The following CADM2 variants were observed in gnomAD, a reference collection of about 807,000 sequenced individuals.
CADM2 encodes cell adhesion molecule 2, also known as immunoglobulin superfamily member 4D.
In CADM2, 12 loss-of-function variants were observed where a neutral mutation model predicts 49.8. That is an observed-to-expected ratio of 0.24 (90% CI 0.15 to 0.39). The LOEUF is 0.39. CADM2 is among the 10% of genes least tolerant of loss of function. The pLI is 1.00. For synonymous variants in CADM2, 214 were observed against 175.4 expected (o/e 1.22, Z -1.74); for missense variants, 378 against 492.3 (o/e 0.77, Z 2.20).
At chr3:85,991,471 A>G (rs1728762480) in intron 8 of CADM2, among the ~76,000 whole-genome samples, 1 of 152,198 alleles carries the variant, frequency 6.6e-6, no homozygotes. Context: ...AAATAAATAA[A>G]AAACAATTTT....
intron 2 of CADM2, among the ~76,000 whole-genome samples, chr3:85,763,703 T>C (rs2069509150): frequency 6.6e-6 from 1 of 152,178 alleles, no homozygotes; most frequent in Admixed American, 6.6e-5. Context: ...GACAAAATGA[T>C]CCTTTTCTCC....
At chr3:85,835,114 G>C (rs1160983798) in intron 3 of CADM2, among the ~76,000 whole-genome samples, 1 of 151,538 alleles carries the variant, frequency 6.6e-6, no homozygotes, top group African/African-American at 2.4e-5. Flanking sequence ...CCAACTTGCA[G>C]TGAACAATGC....
chr3:85,819,707 T>A (rs58382609), intron 3 of CADM2, among the ~76,000 whole-genome samples: 1 of 151,854 alleles, frequency 6.6e-6, no homozygotes, highest in Non-Finnish European at 1.5e-5. Flanking sequence ...CATTACAGTT[T>A]GATGTTATAT....
chr3:85,626,093 T>C (rs929364566), intron 1 of CADM2, among the ~76,000 whole-genome samples: 2 of 152,012 alleles, frequency 1.3e-5, no homozygotes, highest in African/African-American at 4.8e-5. Context: ...ACTTAGAAAT[T>C]AGTAATTTAC....
At chr3:85,343,731 G>T (rs897262413) in intron 1 of CADM2, among the ~76,000 whole-genome samples, 1 of 152,180 alleles carries the variant, frequency 6.6e-6, no homozygotes, top group Non-Finnish European at 1.5e-5. Flanking sequence ...AGAAGAGGAA[G>T]ATTGCTGAAT....
chr3:85,534,597 A>G (rs981666537), intron 1 of CADM2, among the ~76,000 whole-genome samples: 21 of 152,196 alleles, frequency 1.4e-4, no homozygotes, highest in African/African-American at 4.8e-4. Context: ...AGAGTTGAAT[A>G]CTTGTAACAT....
intron 8 of CADM2, among the ~76,000 whole-genome samples, chr3:85,996,881 T>A (rs1416584056): frequency 3.3e-5 from 5 of 152,154 alleles, no homozygotes; most frequent in Non-Finnish European, 7.3e-5. Flanking sequence ...AGATAAACAA[T>A]CCCTATTTTG....
chr3:85,860,403 A>G (rs929879662), intron 3 of CADM2, among the ~76,000 whole-genome samples: 2 of 152,196 alleles, frequency 1.3e-5, no homozygotes, highest in African/African-American at 4.8e-5. Flanking sequence ...TGGAGGGAAA[A>G]AAAACAAGAA....
intron 3 of CADM2, among the ~76,000 whole-genome samples, chr3:85,850,381 G>C (rs546173283): frequency 3.9e-4 from 57 of 144,648 alleles, no homozygotes; most frequent in Non-Finnish European, 6.9e-4. Flanking sequence ...CTGGAGAGCA[G>C]TGGCGCGATC....
intron 1 of CADM2, among the ~76,000 whole-genome samples, chr3:85,424,549 G>A (rs1476844995): frequency 6.6e-6 from 1 of 152,028 alleles, no homozygotes; most frequent in African/African-American, 2.4e-5. Context: ...CAATTGATGG[G>A]CTCTAACTGG....
chr3:85,791,654 G>C (rs2108033621), intron 2 of CADM2, among the ~76,000 whole-genome samples: 1 of 152,012 alleles, frequency 6.6e-6, no homozygotes, highest in South Asian at 2.1e-4. Context: ...TAGTAGGCTA[G>C]CATTGTACTT....
At chr3:85,477,657 A>C (rs1296988011) in intron 1 of CADM2, among the ~76,000 whole-genome samples, 2 of 151,818 alleles carry the variant, frequency 1.3e-5, no homozygotes, top group African/African-American at 4.8e-5. Context: ...TTAGGTTGAC[A>C]TTTTTCTTTG....
At chr3:85,807,890 A>ATT (rs550925359) in intron 3 of CADM2, among the ~76,000 whole-genome samples, 1 of 151,584 alleles carries the variant, frequency 6.6e-6, no homozygotes, top group African/African-American at 2.4e-5. Flanking sequence ...TCAATAAATG[A>ATT]TTTTTTTTTA....
At chr3:85,949,427 A>G (rs930696581) in intron 7 of CADM2, among the ~76,000 whole-genome samples, 9 of 151,250 alleles carry the variant, frequency 6.0e-5, no homozygotes, top group Admixed American at 2.0e-4. Flanking sequence ...GCAGAAATTT[A>G]GGGGAAAAAA....
At chr3:85,575,329 A>T (rs1211005260) in intron 1 of CADM2, among the ~76,000 whole-genome samples, 1 of 152,190 alleles carries the variant, frequency 6.6e-6, no homozygotes, top group African/African-American at 2.4e-5. Context: ...AGGTGGGTGG[A>T]TCACAAGGTC....
intron 1 of CADM2, among the ~76,000 whole-genome samples, chr3:85,672,865 T>A (rs1043158780): frequency 6.6e-6 from 1 of 152,186 alleles, no homozygotes; most frequent in Non-Finnish European, 1.5e-5. Flanking sequence ...CCATCTAAAT[T>A]GAATCTGATT....
chr3:85,156,326 TCAG>T (rs2040121078), intron 1 of CADM2, among the ~76,000 whole-genome samples: 1 of 151,882 alleles, frequency 6.6e-6, no homozygotes, highest in African/African-American at 2.4e-5. Flanking sequence ...CAAACTACCA[TCAG>T]AGAATACTAC....
chr3:85,572,154 G>A (rs1366639224), intron 1 of CADM2, among the ~76,000 whole-genome samples: 7 of 152,008 alleles, frequency 4.6e-5, no homozygotes, highest in South Asian at 4.1e-4. Context: ...AAAATTAGCC[G>A]GGCATGGTGG....
intron 1 of CADM2, among the ~76,000 whole-genome samples, chr3:85,066,613 G>A (rs1278698093): frequency 1.5e-4 from 23 of 151,940 alleles, no homozygotes; most frequent in Non-Finnish European, 2.9e-5. Context: ...CTGAATGCTC[G>A]TCTGACTGGG....
Sources: allele counts gnomAD v4.1 joint callset (sites outside exome capture counted in the v4.1 genomes callset), GRCh38; gene constraint gnomAD v4.1.1; transcripts MANE v1.5; gene names NCBI Gene and HGNC (gene_info 2026-07-23, HGNC 2026-07-21).